The following ARK2C variants were observed in gnomAD, a reference collection of about 807,000 sequenced individuals.
The protein encoded by ARK2C is arkadia (RNF111) C-terminal like ring finger ubiquitin ligase 2C, also known as E3 ubiquitin-protein ligase ARK2C.
At chr18:46,384,058 C>G in the ARK2C span, among the ~76,000 whole-genome samples, 1 of 152,238 alleles carries the variant, frequency 6.6e-6, no homozygotes, top group Non-Finnish European at 1.5e-5. Context: ...TAACAGCAGA[C>G]AGAGGCAGTC....
chr18:46,366,320 TAGAG>T, the ARK2C span, among the ~76,000 whole-genome samples: 3,031 of 87,354 alleles, frequency 0.035, 107 homozygotes, highest in African/African-American at 0.12. Flanking sequence ...AAAAAAAAAA[TAGAG>T]AGAGAGATAA....
At chr18:46,431,659 C>T in the ARK2C span, among the ~76,000 whole-genome samples, 112 of 152,298 alleles carry the variant, frequency 7.4e-4, no homozygotes, top group African/African-American at 2.5e-3. Flanking sequence ...GGTGCTGCAC[C>T]CCTGCCCTCT....
chr18:46,392,479 T>C, the ARK2C span, among the ~76,000 whole-genome samples: 1 of 152,208 alleles, frequency 6.6e-6, no homozygotes, highest in Non-Finnish European at 1.5e-5. Context: ...CTCCGTATTT[T>C]ATTGTTTGCC....
chr18:46,415,296 G>A, the ARK2C span, among the ~76,000 whole-genome samples: 5 of 152,266 alleles, frequency 3.3e-5, no homozygotes, highest in South Asian at 2.1e-4. Flanking sequence ...CGAGGTGGGC[G>A]GATCACGAGG....
the ARK2C span, among the ~76,000 whole-genome samples, chr18:46,448,260 C>T: frequency 6.6e-6 from 1 of 151,496 alleles, no homozygotes; most frequent in African/African-American, 2.4e-5. Context: ...CCCTGACTCC[C>T]TTGTGCCCTG....
chr18:46,388,016 C>T, the ARK2C span, among the ~76,000 whole-genome samples: 6 of 152,178 alleles, frequency 3.9e-5, no homozygotes, highest in African/African-American at 1.2e-4. Flanking sequence ...CTGGCACTTG[C>T]GTTCCAAGCA....
chr18:46,373,351 T>G, the ARK2C span, among the ~76,000 whole-genome samples: 1 of 152,214 alleles, frequency 6.6e-6, no homozygotes, highest in South Asian at 2.1e-4. Flanking sequence ...ATCTTGACAG[T>G]CATCTGGAAG....
At chr18:46,386,206 C>A in the ARK2C span, 1 of 152,186 alleles carries the variant, frequency 6.6e-6, no homozygotes. Context: ...CTTACACTGG[C>A]GAGGGAGCTG....
the ARK2C span, among the ~76,000 whole-genome samples, chr18:46,434,131 G>C: frequency 1.3e-5 from 2 of 152,136 alleles, no homozygotes; most frequent in Admixed American, 1.3e-4. Context: ...GGGGCCCTGG[G>C]TAAGTCACTG....
chr18:46,435,236 C>A, the ARK2C span: 1 of 1,532,292 alleles, frequency 6.5e-7, no homozygotes. Context: ...CTCTTGAGAA[C>A]TAGTGGCCTG....
chr18:46,440,378 G>A, the ARK2C span, among the ~76,000 whole-genome samples: 3 of 152,140 alleles, frequency 2.0e-5, no homozygotes, highest in African/African-American at 7.2e-5. Flanking sequence ...CTCTTACTGT[G>A]CCTAATTTAT....
chr18:46,435,203 C>T, the ARK2C span: 3 of 1,173,104 alleles, frequency 2.6e-6, no homozygotes, highest in South Asian at 2.6e-5. Flanking sequence ...GGGGCACCCT[C>T]AGGCTGCCCC....
At chr18:46,387,436 A>G in the ARK2C span, among the ~76,000 whole-genome samples, 1 of 152,228 alleles carries the variant, frequency 6.6e-6, no homozygotes, top group Non-Finnish European at 1.5e-5. Context: ...AAACAGCATT[A>G]GCTCTGAGGA....
chr18:46,410,834 G>GTGGTCAGCAAGTCCTCCTTA, the ARK2C span, among the ~76,000 whole-genome samples: 1 of 152,192 alleles, frequency 6.6e-6, no homozygotes, highest in Non-Finnish European at 1.5e-5. Flanking sequence ...GCTCATGAAA[G>GTGGTCAGCAAGTCCTCCTTA]TGGTCAGCAA....
the ARK2C span, among the ~76,000 whole-genome samples, chr18:46,351,984 C>G: frequency 1.4e-4 from 21 of 152,298 alleles, no homozygotes; most frequent in Non-Finnish European, 2.8e-4. Context: ...TTCCTGGGAG[C>G]CTCTGGAGTG....
the ARK2C span, among the ~76,000 whole-genome samples, chr18:46,379,987 G>T: frequency 6.6e-6 from 1 of 152,184 alleles, no homozygotes; most frequent in South Asian, 2.1e-4. Context: ...AAGAGATGAG[G>T]CTCCAAAGGC....
the ARK2C span, among the ~76,000 whole-genome samples, chr18:46,405,665 G>C: frequency 6.6e-6 from 1 of 152,124 alleles, no homozygotes; most frequent in Non-Finnish European, 1.5e-5. Context: ...GTAGGGTTGG[G>C]GAGGAGCAGG....
At chr18:46,345,095 C>T in the ARK2C span, among the ~76,000 whole-genome samples, 1 of 152,176 alleles carries the variant, frequency 6.6e-6, no homozygotes, top group Non-Finnish European at 1.5e-5. Flanking sequence ...GGCAGGGGTG[C>T]CTGGGATGCA....
At chr18:46,429,234 T>G in the ARK2C span, among the ~76,000 whole-genome samples, 4 of 152,272 alleles carry the variant, frequency 2.6e-5, no homozygotes, top group Non-Finnish European at 5.9e-5. Flanking sequence ...GATTTTCATT[T>G]CTTTTTGCAA....
Sources: allele counts gnomAD v4.1 joint callset (sites outside exome capture counted in the v4.1 genomes callset), GRCh38; gene constraint gnomAD v4.1.1; transcripts MANE v1.5; gene names NCBI Gene and HGNC (gene_info 2026-07-23, HGNC 2026-07-21).